Variants in ITGAE observed in about 807,000 individuals in gnomAD.
ITGAE encodes integrin subunit alpha E.
ITGAE carries 99 observed loss-of-function variants against 136.5 expected under a neutral mutation model. That is an observed-to-expected ratio of 0.73 (90% CI 0.62 to 0.86). ITGAE has a LOEUF of 0.86. Among genes scored for constraint, ITGAE ranks in the 40% least tolerant of loss-of-function variants. ITGAE has a pLI of 0.00. For missense variants in ITGAE, 1,447 were observed against 1,515.3 expected, an observed-to-expected ratio of 0.95 and a Z score of 0.75; for synonymous variants, 613 against 591.8, an observed-to-expected ratio of 1.04 and a Z score of -0.52.
intron 5 of ITGAE, 100 bp downstream of exon 5, chr17:3,761,303 G>A (rs2052161894): frequency 1.3e-6 from 2 of 1,544,972 alleles, no homozygotes; most frequent in South Asian, 2.5e-5. Flanking sequence ...TCCACTGTGG[G>A]CCTGCGTCCC....
At position 3,732,377 on chromosome 17, in the gene ITGAE, C is replaced by G. The variant is rs2051365319; in HGVS notation, c.2745G>C (p.Lys915Asn). The change falls in exon 22 of 31, where the codon AAG becomes AAC. Residue 915 changes from lysine (K) to asparagine (N), a missense_variant. Lys to Asn is a moderately conservative substitution (Grantham distance 94). This residue lies in a region of ITGAE where 1,031 missense variants were observed against 1,011.4 expected (regional missense o/e 1.02). Transcript: ENST00000263087. ...MNCRIGHPVLKRSSAHVSVVW... is the reference protein window; with the variant it reads ...MNCRIGHPVLNRSSAHVSVVW... ...GTCCAAACCGACTCACAGATGACCT[C>G]TTGAGGACGGGGTGACCAATCCTGC... The G allele has an allele frequency of 2.5e-6, 4 of 1,613,740 alleles. No individual in the cohort carries two copies. Among genetic ancestry groups the G allele is most frequent in the Non-Finnish European group, 3.4e-6 (4 of 1,179,772 alleles).
At chr17:3,755,988 G>T in intron 10 of ITGAE, 91 bp from the exon 11 acceptor site, 3 of 1,244,732 alleles carry the variant, frequency 2.4e-6, no homozygotes, top group Non-Finnish European at 3.4e-6. Flanking sequence ...CTCACTCCCA[G>T]AAGGAACCAT....
chr17:3,758,385 A>G (rs1488800964), intron 8 of ITGAE, among the ~76,000 whole-genome samples: 3 of 151,856 alleles, frequency 2.0e-5, no homozygotes, highest in South Asian at 2.1e-4. Flanking sequence ...AGCTGGAACT[A>G]TAGGCACAAG....
Position 3,760,182 on chromosome 17 carries a change from T to C in ITGAE, c.704A>G (p.Lys235Arg). ...ISNMMRNFYE[K>R]CFECNFALVQ... ...CTTAGGGAAGCCCACCTCAAAACAC[T>C]TTTCATAGAAGTTCCTCATCATGTT... The change falls in exon 7 of 31, where the codon AAG (lysine) becomes AGG (arginine). Residue 235 changes from lysine to arginine, a missense_variant. Lys to Arg is a conservative substitution (Grantham distance 26). Around this residue, in one of 3 missense-constraint regions of ITGAE, gnomAD observed 310 missense variants for 416.1 expected, o/e 0.74. Coordinates refer to ENST00000263087, the MANE Select transcript of ITGAE (RefSeq NM_002208.5). 6.2e-7 allele frequency: 1 copy of C among 1,609,512 alleles called. No individual in the cohort carries two copies. Among genetic ancestry groups the C allele is most frequent in the East Asian group, 2.2e-5 (1 of 44,844 alleles).
chr17:3,767,763 C>T (rs750895852), intron 2 of ITGAE, among the ~76,000 whole-genome samples: 8 of 152,078 alleles, frequency 5.3e-5, no homozygotes, highest in Non-Finnish European at 1.2e-4. Flanking sequence ...GCTGGGCCTA[C>T]AGGAGCGAGT....
intron 1 of ITGAE, among the ~76,000 whole-genome samples, chr17:3,787,675 G>A (rs2052831810): frequency 6.6e-6 from 1 of 151,500 alleles, no homozygotes; most frequent in African/African-American, 2.4e-5. Context: ...AGTGGATACT[G>A]ACAAATGGTT....
chr17:3,774,001 T>C (rs1446497698), intron 2 of ITGAE, among the ~76,000 whole-genome samples: 1 of 152,268 alleles, frequency 6.6e-6, no homozygotes, highest in East Asian at 1.9e-4. Flanking sequence ...TCTTGGAATG[T>C]CAAATATACA....
intron 3 of ITGAE, among the ~76,000 whole-genome samples, chr17:3,763,184 C>T (rs759830896): frequency 2.0e-4 from 30 of 152,246 alleles, no homozygotes; most frequent in Non-Finnish European, 3.8e-4. Flanking sequence ...TGAGCCACGG[C>T]GCCCAGCCTC....
At chr17:3,737,580 G>C (rs1402570866) in intron 20 of ITGAE, among the ~76,000 whole-genome samples, 1 of 152,210 alleles carries the variant, frequency 6.6e-6, no homozygotes, top group Non-Finnish European at 1.5e-5. Flanking sequence ...ACAAAGCAGA[G>C]ATGCTGACAT....
Position 3,756,998 on chromosome 17 carries a change from A to C in ITGAE, c.1157T>G (p.Ile386Ser). 6.2e-7 allele frequency: 1 copy of C among 1,613,920 alleles called. No homozygotes were observed. The highest frequency in any genetic ancestry group is 8.5e-7 in the Non-Finnish European group (1 of 1,179,890). ...GGAGCCCTCACCTTCCATGCTGATG[A>C]TGTTGTACCGCAGTTTGCTCAGCAG... is the stretch of plus-strand genomic sequence containing the variant. ...DGLLSKLRYN[I>S]ISMEGTVGDA... is the part of the protein sequence containing the mutation. The change falls in exon 10 of 31, where the codon ATC becomes AGC. Residue 386 changes from isoleucine to serine, a missense_variant. Ile to Ser is a moderately radical substitution (Grantham distance 142). Coordinates refer to ENST00000263087, the MANE Select transcript of ITGAE (RefSeq NM_002208.5).
chr17:3,771,308 C>T (rs559167524), intron 2 of ITGAE, among the ~76,000 whole-genome samples: 11 of 152,234 alleles, frequency 7.2e-5, no homozygotes, highest in South Asian at 4.1e-4. Flanking sequence ...GGGCACACAC[C>T]GTATGCCTCG....
At chr17:3,800,934 C>T (rs1479119465) in intron 1 of ITGAE, among the ~76,000 whole-genome samples, 177 bp downstream of exon 1, 1 of 152,216 alleles carries the variant, frequency 6.6e-6, no homozygotes, top group Non-Finnish European at 1.5e-5. Flanking sequence ...CCCTTCCCAA[C>T]AAGCCTGGGG....
intron 1 of ITGAE, among the ~76,000 whole-genome samples, chr17:3,786,799 A>G (rs2052808979): frequency 6.8e-6 from 1 of 147,270 alleles, no homozygotes; most frequent in Admixed American, 6.9e-5. Flanking sequence ...CTGAGGCAGG[A>G]GGATCACTTG....
chr17:3,754,834 T>A (rs1419195340), intron 12 of ITGAE: 10 of 89,936 alleles, frequency 1.1e-4, no homozygotes, highest in East Asian at 2.4e-4. Context: ...CCCACCCTCC[T>A]CACGTAACTT....
chr17:3,739,994 G>A lies in ITGAE; in HGVS notation c.2449-116C>T, dbSNP rs1007810948. The A allele has an allele frequency of 6.3e-6, 5 of 791,936 alleles. No homozygotes were observed. The Admixed American group carries it at 9.6e-5, about 15-fold the overall frequency. 49.1% of individuals were successfully genotyped at this position (791,936 alleles called of 1,614,324 possible). A position where few individuals can be genotyped will look rare whatever the true frequency, so the allele number is the denominator to read the frequency against. ...CTGTGCCTCCTGCTCACCCTGAGAA[G>A]TGCAGTTACAGGGAGGTGAGGGGTG... On this transcript the variant is annotated intron_variant, in intron 19 of 30. Coordinates refer to ENST00000263087, the MANE Select transcript of ITGAE (RefSeq NM_002208.5).
chr17:3,725,165 TTC>T (rs2051177781), intron 26 of ITGAE: 2 of 1,614,228 alleles, frequency 1.2e-6, no homozygotes, highest in South Asian at 2.2e-5. Flanking sequence ...CCACTGCCAC[TTC>T]TCTCTCTGGA....
chr17:3,759,319 T>C (rs1222094145), intron 8 of ITGAE, 83 bp downstream of exon 8: 2 of 1,512,954 alleles, frequency 1.3e-6, no homozygotes, highest in Non-Finnish European at 1.8e-6. Context: ...TCTCCTGCGG[T>C]TCTGGCCAGC....
chr17:3,762,467 C>A (rs934033538), intron 3 of ITGAE, among the ~76,000 whole-genome samples: 1 of 152,056 alleles, frequency 6.6e-6, no homozygotes, highest in Admixed American at 6.6e-5. Context: ...AATGGTAGCT[C>A]CTTCCTCGTC....
rs776598977 is a variant in ITGAE, at chr17:3,728,105, A to G, written c.2976T>C (p.His992=). Residue 992 remains histidine, a splice_region_variant and synonymous_variant, in exon 25 of 31, where the codon CAT becomes CAC. Coordinates refer to ENST00000263087, the MANE Select transcript of ITGAE (RefSeq NM_002208.5). ...GLSHHKEFLF[H]VHGENLFGAE... ...CAGCTTTACAATAATAAGTACTTAC[A>G]TGGAAGAGGAATTCTTTGTGGTGAG... The G allele has an allele frequency of 2.5e-6, 4 of 1,610,902 alleles. No individual in the cohort carries two copies. The highest frequency in any genetic ancestry group is 1.3e-5 in the African/African-American group (1 of 74,966).
Sources: allele counts gnomAD v4.1 joint callset (sites outside exome capture counted in the v4.1 genomes callset), GRCh38; gene constraint gnomAD v4.1.1; regional missense constraint gnomAD v4.1.1; transcripts MANE v1.5; gene names NCBI Gene and HGNC (gene_info 2026-07-23, HGNC 2026-07-21).